Variants in TCEA1 observed in about 807,000 individuals in gnomAD.
TCEA1 encodes transcription elongation factor A1, also known as transcription elongation factor A protein 1.
A neutral mutation model predicts 43.8 loss-of-function variants in TCEA1; 21 were observed. That is an observed-to-expected ratio of 0.48 (90% CI 0.34 to 0.69). The LOEUF is 0.69. Ranked by LOEUF, TCEA1 falls within the 30% of genes least tolerant of loss-of-function variation. The pLI, the probability that TCEA1 is intolerant of heterozygous loss-of-function variation, is 0.01. For synonymous variants in TCEA1, 104 were observed against 117.5 expected, an observed-to-expected ratio of 0.88 and a Z score of 0.75; for missense variants, 250 against 365.1, an observed-to-expected ratio of 0.68 and a Z score of 2.57.
At chr8:53,977,514 T>C (rs1276318438) in intron 8 of TCEA1, among the ~76,000 whole-genome samples, 3 of 152,156 alleles carry the variant, frequency 2.0e-5, no homozygotes, top group East Asian at 3.8e-4. Flanking sequence ...CCAACAAAAT[T>C]TGTTTTAAGT....
At chr8:53,997,194 C>A (rs773173018) in intron 3 of TCEA1, among the ~76,000 whole-genome samples, 1 of 152,094 alleles carries the variant, frequency 6.6e-6, no homozygotes, top group Non-Finnish European at 1.5e-5. Flanking sequence ...AGGCGTGAGC[C>A]ACCATGCCTG....
At chr8:53,968,939 T>C (rs763000584) in intron 9 of TCEA1, among the ~76,000 whole-genome samples, 3 of 152,132 alleles carry the variant, frequency 2.0e-5, no homozygotes, top group Non-Finnish European at 4.4e-5. Context: ...TTTCAAACCA[T>C]GAAGACACTT....
intron 1 of TCEA1, among the ~76,000 whole-genome samples, chr8:54,013,607 G>A (rs1804723619): frequency 6.9e-6 from 1 of 145,334 alleles, no homozygotes; most frequent in Non-Finnish European, 1.5e-5. Flanking sequence ...CTTGAACCCA[G>A]GAGGCGGAGG....
intron 3 of TCEA1, among the ~76,000 whole-genome samples, chr8:53,999,253 A>G (rs1401251219): frequency 6.6e-6 from 1 of 151,276 alleles, no homozygotes; most frequent in Middle Eastern, 3.2e-3. Context: ...AAAAGAAAGA[A>G]AACTAGCTAT....
intron 1 of TCEA1, among the ~76,000 whole-genome samples, chr8:54,021,222 C>G (rs943313511): frequency 1.3e-5 from 2 of 152,112 alleles, no homozygotes; most frequent in Non-Finnish European, 2.9e-5. Context: ...ACAGATGAGT[C>G]TGAAGCAAGG....
At chr8:53,987,536 A>G (rs1324386754) in intron 5 of TCEA1, among the ~76,000 whole-genome samples, 1 of 152,232 alleles carries the variant, frequency 6.6e-6, no homozygotes, top group Non-Finnish European at 1.5e-5. Context: ...TAAGGAGAAA[A>G]TCAGGTCAAA....
intron 1 of TCEA1, among the ~76,000 whole-genome samples, chr8:54,019,321 G>T (rs535675423): frequency 6.6e-6 from 1 of 152,088 alleles, no homozygotes; most frequent in Non-Finnish European, 1.5e-5. Flanking sequence ...TGTAATCCCA[G>T]CACTCTGGGA....
rs368224620 is a variant in TCEA1 at position 54,003,029 on chromosome 8, G to A, written c.127-2979C>T. On this transcript the variant is annotated intron_variant, in intron 2 of 9. Coordinates refer to ENST00000521604, the MANE Select transcript of TCEA1 (RefSeq NM_006756.4). ...CAAGCAGATTTGGTGTGCTCCAGAA[G>A]AAAAGTCTCCTTTGTGATCACTCAT... 4.2e-5 allele frequency: 19 copies of A among 456,236 alleles called. No individual in the cohort carries two copies. The East Asian group carries it at 5.6e-4, about 13-fold the overall frequency. The allele number at this position is 456,236 out of a possible 1,614,324, so 28.3% of individuals were successfully genotyped here. A position where few individuals can be genotyped will look rare whatever the true frequency, so the allele number is the denominator to read the frequency against.
intron 7 of TCEA1, among the ~76,000 whole-genome samples, chr8:53,982,632 A>G (rs1803548303): frequency 6.6e-6 from 1 of 151,878 alleles, no homozygotes; most frequent in Admixed American, 6.6e-5. Context: ...AAAAAAAAAA[A>G]AAAAATGAAA....
At chr8:53,982,346 G>A (rs1670765762) in intron 7 of TCEA1, among the ~76,000 whole-genome samples, 1 of 152,030 alleles carries the variant, frequency 6.6e-6, no homozygotes, top group Non-Finnish European at 1.5e-5. Context: ...GGTGGCTCAC[G>A]CCTGTAATCC....
intron 2 of TCEA1, among the ~76,000 whole-genome samples, chr8:54,002,597 A>T (rs774089805): frequency 6.6e-6 from 1 of 152,000 alleles, no homozygotes; most frequent in Non-Finnish European, 1.5e-5. Flanking sequence ...GTAGAGGAAA[A>T]GATTATGAAG....
At chr8:53,972,097 G>T in intron 8 of TCEA1, 1 of 266,280 alleles carries the variant, frequency 3.8e-6, no homozygotes, top group South Asian at 4.6e-5. Flanking sequence ...AAGACAAGAA[G>T]AGAAATGCAA....
Position 54,010,450 on chromosome 8 carries a change from T to C in TCEA1, c.106A>G (p.Met36Val), listed in dbSNP as rs200607231. 16 of 1,606,710 alleles carry C rather than the reference T, an allele frequency of 1.0e-5. No homozygotes were observed. The highest frequency in any genetic ancestry group is 4.5e-5 in the South Asian group (4 of 89,030). Residue 36 changes from methionine to valine, a missense_variant, in exon 2 of 10, where the codon ATG becomes GTG. This residue lies in a region of TCEA1 where 27 missense variants were observed against 63.1 expected (regional missense o/e 0.43). Coordinates refer to ENST00000521604, the MANE Select transcript of TCEA1 (RefSeq NM_006756.4). ...CATACCTGCAGTAATTCCAGGGTCA[T>C]AGGAATATTCTTAAGCTCCTTTAGC... is the stretch of plus-strand genomic sequence containing the variant. ...DLLKELKNIPMTLELLQSTRI... is the reference protein window; with the variant it reads ...DLLKELKNIPVTLELLQSTRI...
rs1803018266 is a variant in TCEA1 at position 53,967,439 on chromosome 8, T to C, written c.*665A>G. On this transcript the variant is annotated 3_prime_UTR_variant, in exon 10 of 10. Coordinates refer to ENST00000521604, the MANE Select transcript of TCEA1 (RefSeq NM_006756.4). ...AACAGGAAAACCAAACTGATCTCAATAAAGTCTTGTTTCCAAAAATCTATT... is the reference window on the plus strand; with the variant it reads ...AACAGGAAAACCAAACTGATCTCAACAAAGTCTTGTTTCCAAAAATCTATT... 5.0e-6 allele frequency: 1 copy of C among 198,506 alleles called. No individual in the cohort carries two copies. The highest frequency in any genetic ancestry group is 1.9e-4 in the South Asian group (1 of 5,218). The allele number at this position is 198,506 out of a possible 1,614,324, so 12.3% of individuals were successfully genotyped here.
chr8:54,019,261 T>A (rs2129315497), intron 1 of TCEA1, among the ~76,000 whole-genome samples: 1 of 152,308 alleles, frequency 6.6e-6, no homozygotes, highest in East Asian at 1.9e-4. Flanking sequence ...TGATGACAAC[T>A]ATTACTCTTC....
Position 53,988,191 on chromosome 8 carries a change from A to G in TCEA1, c.389T>C (p.Phe130Ser). The G allele has an allele frequency of 6.2e-7, 1 of 1,613,414 alleles. No homozygotes were observed. Among genetic ancestry groups the G allele is most frequent in the Non-Finnish European group, 8.5e-7 (1 of 1,179,684 alleles). ...ATCAGAAGTGCTTGGTGCCCGAGGAAAGGATGAAACATAAGTATCTCGAGC... is the reference window on the plus strand; with the variant it reads ...ATCAGAAGTGCTTGGTGCCCGAGGAGAGGATGAAACATAAGTATCTCGAGC... ...TNARDTYVSSFPRAPSTSDSV... is the reference protein window; with the variant it reads ...TNARDTYVSSSPRAPSTSDSV... The change falls in exon 5 of 10, where the codon TTT becomes TCT. Residue 130 changes from phenylalanine (F) to serine (S), a missense_variant. Physicochemically the swap from Phe to Ser is radical, Grantham distance 155. Around this residue, in one of 4 missense-constraint regions of TCEA1, gnomAD observed 147 missense variants for 160.3 expected, o/e 0.92. Coordinates refer to ENST00000521604, the MANE Select transcript of TCEA1 (RefSeq NM_006756.4).
At position 53,970,449 on chromosome 8, in the gene TCEA1, A is replaced by G; in HGVS notation, c.840T>C (p.Ser280=). The G allele has an allele frequency of 6.2e-7, 1 of 1,609,840 alleles. No individual in the cohort carries two copies. Among genetic ancestry groups the G allele is most frequent in the Non-Finnish European group, 8.5e-7 (1 of 1,177,680 alleles). ...CAAATGTTGTCATTGGTTCATCAGC[A>G]CTACGGGTTTGTACCTGCAGCAAAA... The part of the protein sequence containing the change: ...NCTYTQVQTR[S]ADEPMTTFVV... The change falls in exon 9 of 10, where the codon AGT becomes AGC. Residue 280 remains serine (S), a synonymous_variant. Transcript: ENST00000521604.
In TCEA1 at chr8:54,019,219, A is replaced by C. The variant is rs79367138; in HGVS notation, c.63+2844T>G. Among the ~76,000 whole-genome samples, 276 of 152,268 alleles carry C rather than the reference A, an allele frequency of 1.8e-3. 9 individuals are homozygous for C. In the East Asian group the frequency reaches 0.043, roughly 24 times the overall value. ...GCATGTTAAAATATTTTTTTAAATG[A>C]TATCTAAATTTGCACTTAAATTTGT... On this transcript the variant is annotated intron_variant, in intron 1 of 9. Transcript: ENST00000521604.
chr8:54,010,323 G>A, intron 2 of TCEA1, 107 bp downstream of exon 2: 2 of 847,008 alleles, frequency 2.4e-6, no homozygotes, highest in Non-Finnish European at 3.7e-6. Context: ...GTTAGTAATG[G>A]TTTACACCAT....
Sources: gnomAD v4.1 joint callset for allele counts (sites outside exome capture counted in the v4.1 genomes callset) on GRCh38, gnomAD v4.1.1 for gene constraint, gnomAD v4.1.1 regional missense constraint, MANE v1.5 for transcripts, NCBI Gene and HGNC (gene_info 2026-07-23, HGNC 2026-07-21) for gene names.